The following SCN8A variants were observed in gnomAD, a reference collection of about 807,000 sequenced individuals.
SCN8A encodes the protein sodium channel protein type 8 subunit alpha.
A neutral mutation model predicts 184.1 loss-of-function variants in SCN8A; 30 were observed. That is an observed-to-expected ratio of 0.16 (90% confidence interval 0.12 to 0.22). The LOEUF (loss-of-function observed/expected upper bound fraction) is 0.22, where lower values mean the gene tolerates loss of function less well. Ranked by LOEUF, SCN8A falls within the 10% of genes least tolerant of loss-of-function variation. SCN8A has a pLI of 1.00. For synonymous variants in SCN8A, 852 were observed against 907.0 expected, an observed-to-expected ratio of 0.94 and a Z score of 1.09; for missense variants, 1,057 against 2,498.9, an observed-to-expected ratio of 0.42 and a Z score of 12.30.
chr12:51,643,589 G>C (rs558308731), intron 1 of SCN8A, among the ~76,000 whole-genome samples: 1 of 152,262 alleles, frequency 6.6e-6, no homozygotes, highest in Non-Finnish European at 1.5e-5. Flanking sequence ...AGTTGAAAGA[G>C]AGCCAATTGT....
At chr12:51,669,489 T>C (rs1045842291) in intron 2 of SCN8A, among the ~76,000 whole-genome samples, 2 of 152,228 alleles carry the variant, frequency 1.3e-5, no homozygotes, top group Non-Finnish European at 2.9e-5. Context: ...ACCCACCTTC[T>C]TCTGGTCTCC....
chr12:51,634,710 G>A (rs940910596), intron 1 of SCN8A, among the ~76,000 whole-genome samples: 4 of 149,258 alleles, frequency 2.7e-5, no homozygotes, highest in East Asian at 2.0e-4. Flanking sequence ...GTGCAGTGGC[G>A]CAATCGTAGC....
At chr12:51,728,385 G>A (rs1228762002) in intron 12 of SCN8A, among the ~76,000 whole-genome samples, 1 of 152,090 alleles carries the variant, frequency 6.6e-6, no homozygotes, top group Admixed American at 6.6e-5. Context: ...AGGAAGCCAG[G>A]TTGCTGTCTC....
At chr12:51,712,143 C>T (rs1941888459) in intron 11 of SCN8A, among the ~76,000 whole-genome samples, 1 of 152,036 alleles carries the variant, frequency 6.6e-6, no homozygotes, top group Non-Finnish European at 1.5e-5. Flanking sequence ...GGGCAATATA[C>T]CTGATGTAAT....
chr12:51,664,163 G>T (rs1157981999), intron 2 of SCN8A, among the ~76,000 whole-genome samples: 2 of 151,766 alleles, frequency 1.3e-5, no homozygotes, highest in African/African-American at 4.8e-5. Flanking sequence ...ACGGTAGATT[G>T]GAAGTAAGAA....
chr12:51,640,031 G>A lies in SCN8A; in HGVS notation c.-54-22733G>A, dbSNP rs371707394. Among the ~76,000 whole-genome samples, 15 of 146,546 alleles carry A rather than the reference G, an allele frequency of 1.0e-4. No individual in the cohort carries two copies. In the South Asian group the frequency reaches 1.8e-3, roughly 17 times the overall value. ...CAAGTGATTCTCCCACCTCAGCTGG[G>A]TAGCTGGGACTATGGGTGTGCACCA... On this transcript the variant is annotated intron_variant, in intron 1 of 26. Coordinates refer to ENST00000627620, the MANE Select transcript of SCN8A (RefSeq NM_001330260.2).
At chr12:51,793,639 T>C (rs1400574818) in intron 25 of SCN8A, among the ~76,000 whole-genome samples, 2 of 152,014 alleles carry the variant, frequency 1.3e-5, no homozygotes, top group Non-Finnish European at 2.9e-5. Context: ...GCTGGGTAAG[T>C]AGGACGACAG....
chr12:51,787,506 G>T (rs898915536), intron 22 of SCN8A, among the ~76,000 whole-genome samples: 2 of 152,140 alleles, frequency 1.3e-5, no homozygotes, highest in Non-Finnish European at 2.9e-5. Flanking sequence ...ATACTTACTG[G>T]ATATGTAACT....
At chr12:51,713,973 A>T (rs973902665) in intron 11 of SCN8A, among the ~76,000 whole-genome samples, 1 of 151,836 alleles carries the variant, frequency 6.6e-6, no homozygotes, top group Non-Finnish European at 1.5e-5. Flanking sequence ...ACCAAAAAAA[A>T]GGGTTTTTTT....
chr12:51,772,670 T>TC (rs1301254490), intron 19 of SCN8A, among the ~76,000 whole-genome samples: 4 of 150,362 alleles, frequency 2.7e-5, no homozygotes, highest in African/African-American at 7.4e-5. Context: ...ATGACCCCTG[T>TC]CCCCCCCACT....
At chr12:51,801,936 C>T (rs1421868911) in intron 26 of SCN8A, among the ~76,000 whole-genome samples, 1 of 152,046 alleles carries the variant, frequency 6.6e-6, no homozygotes, top group African/African-American at 2.4e-5. Flanking sequence ...GCACCTGTAA[C>T]CCCAGCTACT....
At chr12:51,779,972 T>C (rs1937842720) in intron 20 of SCN8A, among the ~76,000 whole-genome samples, 1 of 117,146 alleles carries the variant, frequency 8.5e-6, no homozygotes, top group African/African-American at 3.2e-5. Context: ...TAGAACTCAC[T>C]TAAGCGAGTT....
At chr12:51,798,260 A>G (rs140761745) in intron 26 of SCN8A, among the ~76,000 whole-genome samples, 1 of 152,220 alleles carries the variant, frequency 6.6e-6, no homozygotes, top group African/African-American at 2.4e-5. Context: ...CTTAGCTGTA[A>G]AGTGAGTGCC....
intron 1 of SCN8A, among the ~76,000 whole-genome samples, chr12:51,612,596 A>AT (rs557696234): frequency 1.8e-4 from 28 of 152,176 alleles, no homozygotes; most frequent in African/African-American, 5.5e-4. Context: ...TGATCATATG[A>AT]TTTTTTTCTT....
chr12:51,705,693 A>G, intron 10 of SCN8A, 70 bp downstream of exon 10: 1 of 1,353,702 alleles, frequency 7.4e-7, no homozygotes, highest in Non-Finnish European at 1.0e-6. Context: ...TCTGATTTTC[A>G]CTGCAGTTGA....
At chr12:51,651,697 A>G (rs1940718403) in intron 1 of SCN8A, among the ~76,000 whole-genome samples, 1 of 152,210 alleles carries the variant, frequency 6.6e-6, no homozygotes, top group Non-Finnish European at 1.5e-5. Flanking sequence ...ATTCAAGATG[A>G]GATTTGGGTG....
intron 12 of SCN8A, among the ~76,000 whole-genome samples, chr12:51,725,710 C>T (rs1942145882): frequency 6.6e-6 from 1 of 152,226 alleles, no homozygotes; most frequent in South Asian, 2.1e-4. Context: ...CTTAGAAGGA[C>T]ACAGTATATT....
At position 51,618,502 on chromosome 12, in the gene SCN8A, CACACACAG is replaced by C. The variant is rs1281835984; in HGVS notation, c.-55+27145_-55+27152del. Among the ~76,000 whole-genome samples the C allele has an allele frequency of 4.7e-3, 473 of 99,892 alleles. 3 individuals carry two copies. The highest frequency in any genetic ancestry group is 0.014 in the African/African-American group (441 of 31,600). 65.5% of individuals were successfully genotyped at this position (99,892 alleles called of 152,430 possible). The stretch of plus-strand genomic sequence containing the variant: ...ACACACACACACACACACACACACA[CACACACAG>C]AAAGAAAAAAAGGCAAAACTCTGCT... On this transcript the variant is annotated intron_variant, in intron 1 of 26. Coordinates refer to ENST00000627620, the MANE Select transcript of SCN8A (RefSeq NM_001330260.2).
intron 1 of SCN8A, among the ~76,000 whole-genome samples, chr12:51,656,328 A>G (rs1033262291): frequency 1.3e-5 from 2 of 152,230 alleles, no homozygotes; most frequent in African/African-American, 2.4e-5. Context: ...TTTCAAAACT[A>G]AATGAGAAAG....
Sources: gnomAD v4.1 joint callset for allele counts (sites outside exome capture counted in the v4.1 genomes callset) on GRCh38, gnomAD v4.1.1 for gene constraint, MANE v1.5 for transcripts, NCBI Gene and HGNC (gene_info 2026-07-23, HGNC 2026-07-21) for gene names.